The following RGS7 variants were observed in gnomAD, a reference collection of about 807,000 sequenced individuals.
RGS7 encodes the protein regulator of G-protein signaling 7.
Under a neutral mutation model 81.1 loss-of-function variants are expected in RGS7, and 27 were observed. The ratio of observed to expected loss-of-function variants is 0.33; its 90% confidence interval spans 0.25 to 0.46. RGS7 has a LOEUF of 0.46. RGS7 is among the 20% of genes least tolerant of loss of function. The pLI, the probability that RGS7 is intolerant of heterozygous loss-of-function variation, is 1.00. For synonymous variants in RGS7, 208 were observed against 207.7 expected, an observed-to-expected ratio of 1.00 and a Z score of -0.01; for missense variants, 396 against 607.4, an observed-to-expected ratio of 0.65 and a Z score of 3.66.
At chr1:240,845,811 T>G (rs911504676) in intron 9 of RGS7, among the ~76,000 whole-genome samples, 4 of 152,188 alleles carry the variant, frequency 2.6e-5, no homozygotes, top group Non-Finnish European at 5.9e-5. Flanking sequence ...ATTTAACATG[T>G]GTTTTAGAGT....
At chr1:240,933,510 G>C (rs891507635) in intron 5 of RGS7, among the ~76,000 whole-genome samples, 3 of 151,932 alleles carry the variant, frequency 2.0e-5, no homozygotes, top group African/African-American at 7.2e-5. Context: ...CACTAATATG[G>C]AAGATTTTTT....
At chr1:240,944,138 T>G (rs1230656740) in intron 4 of RGS7, among the ~76,000 whole-genome samples, 1 of 151,486 alleles carries the variant, frequency 6.6e-6, no homozygotes, top group Admixed American at 6.6e-5. Flanking sequence ...CATGTAATAC[T>G]GGTGTGAATA....
At chr1:240,873,219 A>C (rs1664802975) in intron 6 of RGS7, among the ~76,000 whole-genome samples, 1 of 152,230 alleles carries the variant, frequency 6.6e-6, no homozygotes, top group African/African-American at 2.4e-5. Context: ...AAAAGAGTGA[A>C]TCTTTTATAA....
At chr1:241,230,582 C>T (rs1392188416) in intron 2 of RGS7, among the ~76,000 whole-genome samples, 1 of 152,226 alleles carries the variant, frequency 6.6e-6, no homozygotes, top group Non-Finnish European at 1.5e-5. Flanking sequence ...ACAATGGAGC[C>T]CACTTTGACT....
intron 4 of RGS7, among the ~76,000 whole-genome samples, chr1:240,973,556 A>C (rs1683591139): frequency 6.6e-6 from 1 of 152,036 alleles, no homozygotes; most frequent in Admixed American, 6.6e-5. Context: ...AGCATAAAAC[A>C]CTTTATAAGT....
rs146847758 is a variant in RGS7, at chr1:240,895,429, C to T, written c.386-25310G>A. Among the ~76,000 whole-genome samples the T allele has an allele frequency of 6.3e-3, 932 of 147,974 alleles. 8 individuals carry two copies. The highest frequency in any genetic ancestry group is 0.022 in the African/African-American group (885 of 40,410). On this transcript the variant is annotated intron_variant, in intron 6 of 18. Transcript: ENST00000440928. ...CATTAGGTATATCTCCTAATGCTAT[C>T]CCTCCCCCCTCCTCCACCCCATGAC...
chr1:240,803,956 T>G (rs572192386), intron 15 of RGS7, among the ~76,000 whole-genome samples: 11 of 152,296 alleles, frequency 7.2e-5, no homozygotes, highest in African/African-American at 2.4e-4. Context: ...TTAAATTCAT[T>G]TAAAGACATT....
intron 2 of RGS7, among the ~76,000 whole-genome samples, chr1:241,118,855 T>C (rs2066048737): frequency 6.6e-6 from 1 of 151,828 alleles, no homozygotes; most frequent in Non-Finnish European, 1.5e-5. Flanking sequence ...CACATAGACA[T>C]AAAGATGAAA....
At chr1:241,296,172 G>A (rs544987076) in intron 2 of RGS7, among the ~76,000 whole-genome samples, 11 of 152,260 alleles carry the variant, frequency 7.2e-5, no homozygotes, top group Non-Finnish European at 2.9e-5. Flanking sequence ...AAGAGCAGGA[G>A]AGGGAGGAGG....
At chr1:240,910,131 A>G (rs1382142776) in intron 6 of RGS7, among the ~76,000 whole-genome samples, 1 of 152,102 alleles carries the variant, frequency 6.6e-6, no homozygotes, top group Non-Finnish European at 1.5e-5. Flanking sequence ...ACATTTTTTT[A>G]AGGAAAGAAA....
At chr1:241,153,663 C>A (rs1001459053) in intron 2 of RGS7, among the ~76,000 whole-genome samples, 9 of 152,240 alleles carry the variant, frequency 5.9e-5, no homozygotes, top group African/African-American at 2.2e-4. Flanking sequence ...CAGATCTAAA[C>A]CACATCCCGC....
At chr1:241,168,446 T>G (rs2070445370) in intron 2 of RGS7, among the ~76,000 whole-genome samples, 1 of 152,188 alleles carries the variant, frequency 6.6e-6, no homozygotes. Context: ...AGATACTCAC[T>G]AGGGTGGCTC....
intron 2 of RGS7, among the ~76,000 whole-genome samples, chr1:241,242,376 T>C (rs1191357834): frequency 2.0e-5 from 3 of 152,170 alleles, no homozygotes; most frequent in African/African-American, 4.8e-5. Context: ...CACTTGTTGA[T>C]TGATAGGCAT....
At chr1:240,849,497 G>A (rs1659698841) in intron 9 of RGS7, among the ~76,000 whole-genome samples, 1 of 152,154 alleles carries the variant, frequency 6.6e-6, no homozygotes, top group Non-Finnish European at 1.5e-5. Context: ...AACTGATATG[G>A]TTTAGATATT....
chr1:241,163,976 G>A lies in RGS7; in HGVS notation c.79-65214C>T, dbSNP rs968841740. Among the ~76,000 whole-genome samples, 4 of 152,216 alleles carry A rather than the reference G, an allele frequency of 2.6e-5. No homozygotes were observed. The highest frequency in any genetic ancestry group is 2.1e-4 in the South Asian group (1 of 4,820). ...CCCAAGAATGCCCCTTGCTTCTGAC[G>A]CGAATTACAAGTCCCAGTTTATTTC... On this transcript the variant is annotated intron_variant, in intron 2 of 18. Transcript: ENST00000440928. The surrounding 1 kb of genome is among the most constrained non-coding windows in gnomAD (Gnocchi z 4.6).
intron 14 of RGS7, among the ~76,000 whole-genome samples, chr1:240,808,582 C>T (rs1320480529): frequency 6.6e-6 from 1 of 152,240 alleles, no homozygotes; most frequent in African/African-American, 2.4e-5. Flanking sequence ...CTCACTATTA[C>T]TGTCACAGCT....
In RGS7 at chr1:241,144,249, A is replaced by G. The variant is rs749964849; in HGVS notation, c.79-45487T>C. Among the ~76,000 whole-genome samples, 2 of 152,138 alleles carry G rather than the reference A, an allele frequency of 1.3e-5. No individual in the cohort carries two copies. The highest frequency in any genetic ancestry group is 4.8e-5 in the African/African-American group (2 of 41,434). On this transcript the variant is annotated intron_variant, in intron 2 of 18. Transcript: ENST00000440928. This position sits in a 1 kb window ranked among gnomAD's most constrained non-coding sequence, Gnocchi z 4.7. ...CAAATCCTCATCCAAATTGACATACATGTGCTGGCGCATATGTTGTTTATT... is the reference window on the plus strand; with the variant it reads ...CAAATCCTCATCCAAATTGACATACGTGTGCTGGCGCATATGTTGTTTATT...
intron 10 of RGS7, among the ~76,000 whole-genome samples, chr1:240,822,320 T>A (rs372012144): frequency 2.6e-4 from 40 of 152,248 alleles, no homozygotes; most frequent in African/African-American, 9.4e-4. Context: ...AACACTTATT[T>A]TACTGTATTA....
At chr1:241,118,813 C>G (rs1016645362) in intron 2 of RGS7, among the ~76,000 whole-genome samples, 2 of 152,098 alleles carry the variant, frequency 1.3e-5, no homozygotes, top group Non-Finnish European at 2.9e-5. Flanking sequence ...ACCTTTTGTT[C>G]TCACTTATAA....
Sources: gnomAD v4.1 joint callset for allele counts (sites outside exome capture counted in the v4.1 genomes callset) on GRCh38, gnomAD v4.1.1 for gene constraint, Gnocchi (gnomAD v3.1) non-coding constraint, MANE v1.5 for transcripts, NCBI Gene and HGNC (gene_info 2026-07-23, HGNC 2026-07-21) for gene names.